Variants in FNDC3B observed in about 807,000 individuals in gnomAD.
FNDC3B encodes the protein fibronectin type III domain containing 3B, also known as fibronectin type III domain-containing protein 3B.
FNDC3B carries 12 observed loss-of-function variants against 151.5 expected under a neutral mutation model. The ratio of observed to expected loss-of-function variants is 0.08; its 90% CI spans 0.05 to 0.13. FNDC3B has a LOEUF of 0.13. Ranked by LOEUF, FNDC3B falls within the 10% of genes least tolerant of loss-of-function variation. The probability of loss-of-function intolerance (pLI) is 1.00; values close to 1 mark genes in which losing one functional copy is unlikely to be tolerated. For synonymous variants in FNDC3B, 528 were observed against 549.0 expected (o/e 0.96, Z 0.54); for missense variants, 1,214 against 1,505.3 (o/e 0.81, Z 3.20).
At chr3:172,099,292 G>A (rs1719255325) in intron 1 of FNDC3B, among the ~76,000 whole-genome samples, 1 of 151,838 alleles carries the variant, frequency 6.6e-6, no homozygotes, top group Admixed American at 6.6e-5. Flanking sequence ...TTTATGCTTT[G>A]GAAGACTTCT....
intron 20 of FNDC3B, 73 bp downstream of exon 20, chr3:172,346,513 G>A: frequency 2.2e-6 from 2 of 903,702 alleles, no homozygotes; most frequent in Non-Finnish European, 3.5e-6. Context: ...CAATTATAAG[G>A]AAGCTGCAAA....
intron 2 of FNDC3B, among the ~76,000 whole-genome samples, chr3:172,116,629 G>C (rs1372974374): frequency 6.6e-6 from 1 of 151,856 alleles, no homozygotes; most frequent in East Asian, 1.9e-4. Context: ...GCAATGGCAC[G>C]ATCTCTGCTC....
At chr3:172,169,953 A>G (rs1002057841) in intron 3 of FNDC3B, among the ~76,000 whole-genome samples, 3 of 152,206 alleles carry the variant, frequency 2.0e-5, no homozygotes, top group Non-Finnish European at 4.4e-5. Flanking sequence ...TGACTCCAAC[A>G]TATCAATTTA....
chr3:172,256,624 C>T (rs1728359777), intron 6 of FNDC3B, among the ~76,000 whole-genome samples: 3 of 152,218 alleles, frequency 2.0e-5, no homozygotes, highest in African/African-American at 7.2e-5. Context: ...ATAAAAAAAC[C>T]AAAGCACACA....
intron 3 of FNDC3B, among the ~76,000 whole-genome samples, chr3:172,157,624 T>C (rs1722559350): frequency 6.6e-6 from 1 of 152,200 alleles, no homozygotes; most frequent in Non-Finnish European, 1.5e-5. Flanking sequence ...TTCAATAGTG[T>C]CATGTAAATG....
intron 10 of FNDC3B, 49 bp downstream of exon 10, chr3:172,307,550 G>A: frequency 3.1e-6 from 5 of 1,600,526 alleles, no homozygotes; most frequent in Middle Eastern, 1.7e-4. Flanking sequence ...AAATTAGCCA[G>A]GTGTGGTGGC....
chr3:172,260,067 C>T (rs1654845676), intron 6 of FNDC3B, among the ~76,000 whole-genome samples: 3 of 152,128 alleles, frequency 2.0e-5, no homozygotes, highest in African/African-American at 7.2e-5. Context: ...TTTTTGCTTT[C>T]TTGGGAACTG....
At chr3:172,210,904 A>C (rs905124796) in intron 3 of FNDC3B, among the ~76,000 whole-genome samples, 28 of 152,176 alleles carry the variant, frequency 1.8e-4, no homozygotes, top group Non-Finnish European at 3.7e-4. Context: ...AGAATCATTA[A>C]ATCATTATTT....
chr3:172,175,598 G>A (rs1033098562), intron 3 of FNDC3B, among the ~76,000 whole-genome samples: 2 of 152,086 alleles, frequency 1.3e-5, no homozygotes, highest in Admixed American at 1.3e-4. Context: ...TTCTTTTTAT[G>A]TTTTGAATAT....
intron 24 of FNDC3B, among the ~76,000 whole-genome samples, chr3:172,379,189 C>T (rs1735307515): frequency 6.6e-6 from 1 of 152,234 alleles, no homozygotes; most frequent in African/African-American, 2.4e-5. Flanking sequence ...TCCACCCAGC[C>T]ACTCATGGAC....
intron 11 of FNDC3B, among the ~76,000 whole-genome samples, chr3:172,323,757 T>A (rs1560077962): frequency 6.6e-6 from 1 of 152,196 alleles, no homozygotes; most frequent in Admixed American, 6.5e-5. Context: ...TGGAGGTTAT[T>A]GCCATTCTTC....
intron 3 of FNDC3B, among the ~76,000 whole-genome samples, chr3:172,180,236 T>A (rs1449217651): frequency 6.6e-6 from 1 of 152,206 alleles, no homozygotes; most frequent in East Asian, 1.9e-4. Context: ...ATGTGGACTG[T>A]GGATCTCCTG....
chr3:172,247,341 G>A (rs1461203791), intron 4 of FNDC3B, among the ~76,000 whole-genome samples, 192 bp from the exon 5 acceptor site: 10 of 152,140 alleles, frequency 6.6e-5, no homozygotes, highest in African/African-American at 1.4e-4. Flanking sequence ...GTTTTTGTAC[G>A]TTTTTATAGT....
Position 172,251,554 on chromosome 3 carries a change from A to G in FNDC3B, c.790+13A>G, listed in dbSNP as rs772625837. 38 of 1,595,170 alleles carry G rather than the reference A, an allele frequency of 2.4e-5. No homozygotes were observed. The highest frequency in any genetic ancestry group is 3.2e-5 in the Non-Finnish European group (38 of 1,169,268). ...TCAGACTTGCAAGGTAATACTCAAG[A>G]TGTTTGCCATAGAGTGAATTATCAA... On this transcript the variant is annotated intron_variant, in intron 6 of 25. Transcript: ENST00000415807.
At chr3:172,365,984 C>A (rs138062236) in intron 23 of FNDC3B, among the ~76,000 whole-genome samples, 1,754 of 152,250 alleles carry the variant, frequency 0.012, 37 homozygotes, top group African/African-American at 0.039. Flanking sequence ...CTTAAGGCAA[C>A]AAATCTTTGT....
intron 1 of FNDC3B, among the ~76,000 whole-genome samples, chr3:172,061,454 G>A (rs1302134929): frequency 1.3e-5 from 2 of 151,856 alleles, no homozygotes; most frequent in Admixed American, 6.6e-5. Flanking sequence ...GGATGGTCTC[G>A]ATCTCCTGAC....
intron 2 of FNDC3B, among the ~76,000 whole-genome samples, chr3:172,120,866 A>G (rs145067045): frequency 2.0e-5 from 3 of 151,974 alleles, no homozygotes; most frequent in African/African-American, 7.3e-5. Flanking sequence ...CAGGAGGCTG[A>G]GGCAGGAGAA....
At chr3:172,123,280 C>T (rs1720644991) in intron 2 of FNDC3B, among the ~76,000 whole-genome samples, 1 of 152,166 alleles carries the variant, frequency 6.6e-6, no homozygotes, top group Admixed American at 6.5e-5. Context: ...TTCAAGCCAT[C>T]GTCCTGCCTA....
At chr3:172,390,100 G>A (rs2108388833) in intron 25 of FNDC3B, among the ~76,000 whole-genome samples, 1 of 152,280 alleles carries the variant, frequency 6.6e-6, no homozygotes, top group East Asian at 1.9e-4. Flanking sequence ...CATTCGCTGA[G>A]CATCTACTTT....
Sources: allele counts gnomAD v4.1 joint callset (sites outside exome capture counted in the v4.1 genomes callset), GRCh38; gene constraint gnomAD v4.1.1; transcripts MANE v1.5; gene names NCBI Gene and HGNC (gene_info 2026-07-23, HGNC 2026-07-21).